CFAP52: variants seen among roughly 807,000 people sequenced by gnomAD.
CFAP52 encodes the protein cilia- and flagella-associated protein 52.
In CFAP52, 57 loss-of-function variants were observed where a neutral mutation model predicts 70.5. That is an observed-to-expected ratio of 0.81 (90% CI 0.65 to 1.01). The LOEUF (loss-of-function observed/expected upper bound fraction) is 1.01. CFAP52 is among the 50% of genes least tolerant of loss of function. The pLI is 0.00. For synonymous variants in CFAP52, 267 were observed against 292.5 expected, an observed-to-expected ratio of 0.91 and a Z score of 0.89; for missense variants, 785 against 788.5, an observed-to-expected ratio of 1.00 and a Z score of 0.05.
chr17:9,581,546 A>AGAGG (rs1423289261), intron 1 of CFAP52, among the ~76,000 whole-genome samples: 1 of 150,646 alleles, frequency 6.6e-6, no homozygotes, highest in Non-Finnish European at 1.5e-5. Context: ...GAGAGAGAGG[A>AGAGG]GAGGGAGGGA....
In CFAP52 at chr17:9,631,997, T is replaced by A. The variant is rs1477455916; in HGVS notation, c.1175-891T>A. Among the ~76,000 whole-genome samples the A allele has an allele frequency of 2.6e-5, 4 of 152,138 alleles. No homozygotes were observed. The East Asian group carries it at 7.8e-4, about 29-fold the overall frequency. ...CATGTTGACCAGGCTGGTCTCCACC[T>A]CCTGTCCTCAAGTGATCCGCCTGCC... On this transcript the variant is annotated intron_variant, in intron 9 of 13. Transcript: ENST00000352665.
chr17:9,642,210 T>C (rs2044734583), intron 13 of CFAP52, among the ~76,000 whole-genome samples: 1 of 152,240 alleles, frequency 6.6e-6, no homozygotes, highest in Non-Finnish European at 1.5e-5. Flanking sequence ...CATGATGCGA[T>C]GCCCTTCCCA....
chr17:9,576,898 C>A, intron 1 of CFAP52, 133 bp downstream of exon 1: 1 of 904,520 alleles, frequency 1.1e-6, no homozygotes, highest in South Asian at 2.0e-5. Flanking sequence ...GCCAGGGACA[C>A]GCACAGGAGG....
At chr17:9,577,685 G>A (rs768341853) in intron 1 of CFAP52, among the ~76,000 whole-genome samples, 4 of 152,136 alleles carry the variant, frequency 2.6e-5, no homozygotes, top group African/African-American at 7.2e-5. Flanking sequence ...TATACATTTC[G>A]GATATCAGAT....
At chr17:9,585,031 T>C (rs577184423) in intron 1 of CFAP52, among the ~76,000 whole-genome samples, 80 of 152,244 alleles carry the variant, frequency 5.3e-4, no homozygotes, top group Non-Finnish European at 9.6e-4. Context: ...AGGCCAAATT[T>C]TTATATTTAC....
At chr17:9,638,189 T>A (rs1255904395) in intron 11 of CFAP52, among the ~76,000 whole-genome samples, 2 of 152,220 alleles carry the variant, frequency 1.3e-5, no homozygotes, top group Non-Finnish European at 2.9e-5. Flanking sequence ...TAAAATACCC[T>A]TCCCCACATT....
chr17:9,594,476 C>A, intron 4 of CFAP52, 155 bp downstream of exon 4: 1 of 893,232 alleles, frequency 1.1e-6, no homozygotes, highest in East Asian at 3.2e-5. Context: ...TAAAAGTTCT[C>A]TTCACTGGAA....
At chr17:9,599,957 T>G in intron 5 of CFAP52, 110 bp from the exon 6 acceptor site, 1 of 806,836 alleles carries the variant, frequency 1.2e-6, no homozygotes, top group Non-Finnish European at 2.1e-6. Flanking sequence ...GTCAGTCTGG[T>G]CTTGAACTCC....
At chr17:9,604,797 AT>A (rs1909417582) in intron 6 of CFAP52, among the ~76,000 whole-genome samples, 1 of 151,426 alleles carries the variant, frequency 6.6e-6, no homozygotes. Context: ...AAATAAATAA[AT>A]AAATAAAAGA....
At chr17:9,598,495 C>T in intron 5 of CFAP52, 162 bp downstream of exon 5, 2 of 532,336 alleles carry the variant, frequency 3.8e-6, no homozygotes, top group South Asian at 5.4e-5. Context: ...GGTGCAGTGG[C>T]TCACGCCTGT....
At chr17:9,585,618 C>A (rs1476858013) in intron 1 of CFAP52, among the ~76,000 whole-genome samples, 155 bp from the exon 2 acceptor site, 1 of 8 alleles carries the variant, frequency 0.12, no homozygotes, top group African/African-American at 0.5. Flanking sequence ...TTGCAGTGAG[C>A]CCAAGACTGC....
At chr17:9,632,057 G>A (rs1910567511) in intron 9 of CFAP52, among the ~76,000 whole-genome samples, 1 of 150,080 alleles carries the variant, frequency 6.7e-6, no homozygotes. Flanking sequence ...ACAGGTATGA[G>A]CCACTGCGCC....
At chr17:9,630,405 C>G (rs1438909397) in intron 9 of CFAP52, among the ~76,000 whole-genome samples, 2 of 149,990 alleles carry the variant, frequency 1.3e-5, no homozygotes, top group Non-Finnish European at 3.0e-5. Context: ...CATGCGCCAC[C>G]ATGCCCAGCT....
intron 7 of CFAP52, chr17:9,610,464 G>A (rs1319341575): frequency 6.6e-6 from 1 of 152,158 alleles, no homozygotes; most frequent in African/African-American, 2.4e-5. Flanking sequence ...GAGAAGTCAT[G>A]GAGACTGGAA....
In CFAP52 at chr17:9,585,973, G is replaced by T. The variant is rs760909924; in HGVS notation, c.270+1G>T. On this transcript the variant is annotated splice_donor_variant, in intron 2 of 13. Transcript: ENST00000352665. LOFTEE classifies it high-confidence loss of function. ...ACAAGTCACATTCATGGGGTTCAAG[G>T]TGAATACAGTGAAAACGACTCATTG... The T allele has an allele frequency of 6.2e-7, 1 of 1,612,002 alleles. No individual in the cohort carries two copies. The highest frequency in any genetic ancestry group is 1.7e-5 in the Admixed American group (1 of 59,926).
chr17:9,614,157 CTTT>C (rs11347755), intron 8 of CFAP52, among the ~76,000 whole-genome samples: 42 of 93,976 alleles, frequency 4.5e-4, no homozygotes, highest in African/African-American at 1.2e-3. Flanking sequence ...TTCTTTCTTT[CTTT>C]TTTTTTTTTT....
intron 8 of CFAP52, among the ~76,000 whole-genome samples, chr17:9,622,210 T>C (rs147286982): frequency 8.8e-4 from 134 of 152,306 alleles, no homozygotes; most frequent in Admixed American, 1.4e-3. Context: ...TCCCCTTAGA[T>C]TCTTTTTGTT....
chr17:9,576,882 G>A, intron 1 of CFAP52, 117 bp downstream of exon 1: 1 of 1,122,154 alleles, frequency 8.9e-7, no homozygotes, highest in Non-Finnish European at 1.2e-6. Context: ...AACGGCAGGA[G>A]CCCTGGCCAG....
At chr17:9,639,493 C>T (rs1244626059) in intron 12 of CFAP52, among the ~76,000 whole-genome samples, 4 of 151,982 alleles carry the variant, frequency 2.6e-5, no homozygotes, top group Admixed American at 1.3e-4. Context: ...GGTGAAGGTT[C>T]ATCCTTCTGT....
Sources: gnomAD v4.1 joint callset for allele counts (sites outside exome capture counted in the v4.1 genomes callset) on GRCh38, gnomAD v4.1.1 for gene constraint, MANE v1.5 for transcripts, NCBI Gene and HGNC (gene_info 2026-07-23, HGNC 2026-07-21) for gene names.